CCR4: variants seen among roughly 807,000 people sequenced by gnomAD.
The protein encoded by CCR4 is C-C chemokine receptor type 4.
In CCR4, 9 loss-of-function variants were observed where a neutral mutation model predicts 17.1. The ratio of observed to expected loss-of-function variants is 0.53; its 90% confidence interval spans 0.32 to 0.92. The LOEUF (loss-of-function observed/expected upper bound fraction) is 0.92, where lower values mean the gene tolerates loss of function less well. Among genes scored for constraint, CCR4 ranks in the 40% least tolerant of loss-of-function variants. The pLI is 0.04. For synonymous variants in CCR4, 217 were observed against 174.3 expected, an observed-to-expected ratio of 1.24 and a Z score of -1.93; for missense variants, 385 against 433.9, an observed-to-expected ratio of 0.89 and a Z score of 1.00.
chr3:32,952,000 G>A (rs6550178), intron 1 of CCR4, among the ~76,000 whole-genome samples: 10,991 of 152,046 alleles, frequency 0.072, 663 homozygotes, highest in African/African-American at 0.16. Flanking sequence ...TACCACACAC[G>A]CAAGGCCTAC....
chr3:32,954,533 A>G lies in CCR4; in HGVS notation c.*28A>G. 2.7e-6 allele frequency: 4 copies of G among 1,506,886 alleles called. No individual in the cohort carries two copies. Among genetic ancestry groups the G allele is most frequent in the Non-Finnish European group, 3.5e-6 (4 of 1,131,262 alleles). 93.3% of individuals were successfully genotyped at this position (1,506,886 alleles called of 1,614,324 possible). A position where few individuals can be genotyped will look rare whatever the true frequency, so the allele number is the denominator to read the frequency against. On this transcript the variant is annotated 3_prime_UTR_variant, in exon 2 of 2. Transcript: ENST00000330953. ...AAATGAAATGGTGAAATGCAGAGTC[A>G]ATGAACTTTCCACATTCAGAGCTTA...
In CCR4 at chr3:32,954,329, A is replaced by G; in HGVS notation, c.907A>G (p.Ile303Val). ...AFVHCCLNPI[I>V]YFFLGEKFRK... ...TGTTCACTGCTGCCTTAATCCCATCATCTACTTTTTTCTGGGGGAGAAATT... is the reference window on the plus strand; with the variant it reads ...TGTTCACTGCTGCCTTAATCCCATCGTCTACTTTTTTCTGGGGGAGAAATT... Residue 303 changes from isoleucine (I) to valine (V), a missense_variant, in exon 2 of 2, where the codon ATC becomes GTC. Transcript: ENST00000330953. 6.2e-7 allele frequency: 1 copy of G among 1,613,982 alleles called. No individual in the cohort carries two copies. The highest frequency in any genetic ancestry group is 2.2e-5 in the East Asian group (1 of 44,868).
At position 32,955,265 on chromosome 3, in the gene CCR4, G is replaced by A. The variant is rs1217786332; in HGVS notation, c.*760G>A. 1.2e-5 allele frequency: 2 copies of A among 166,844 alleles called. No individual in the cohort carries two copies. The highest frequency in any genetic ancestry group is 2.9e-5 in the Non-Finnish European group (2 of 68,104). The allele number at this position is 166,844 out of a possible 1,614,324, so 10.3% of individuals were successfully genotyped here. On this transcript the variant is annotated 3_prime_UTR_variant, in exon 2 of 2. Coordinates refer to ENST00000330953, the MANE Select transcript of CCR4 (RefSeq NM_005508.5). The stretch of plus-strand genomic sequence containing the variant: ...AATATTAAAAAATTTTAAATAGGCT[G>A]GGCACGGTGGCCTGTAATCCCAGCA...
intron 1 of CCR4, 63 bp from the exon 2 acceptor site, chr3:32,953,309 T>A: frequency 8.0e-7 from 1 of 1,252,420 alleles, no homozygotes; most frequent in African/African-American, 1.5e-5. Context: ...ATGCTCTGCA[T>A]TTAGCAATAC....
chr3:32,953,304 C>G, intron 1 of CCR4, 68 bp from the exon 2 acceptor site: 1 of 1,198,426 alleles, frequency 8.3e-7, no homozygotes, highest in Non-Finnish European at 1.1e-6. Flanking sequence ...CAGCCATGCT[C>G]TGCATTTAGC....
At position 32,953,835 on chromosome 3, in the gene CCR4, C is replaced by G; in HGVS notation, c.413C>G (p.Ala138Gly). 6.2e-7 allele frequency: 1 copy of G among 1,614,034 alleles called. No individual in the cohort carries two copies. The highest frequency in any genetic ancestry group is 1.1e-5 in the South Asian group (1 of 91,084). ...CTCATGAGCATTGATAGATACCTGGCAATTGTGCACGCGGTGTTTTCCTTG... is the reference window on the plus strand; with the variant it reads ...CTCATGAGCATTGATAGATACCTGGGAATTGTGCACGCGGTGTTTTCCTTG... ...VMLMSIDRYLAIVHAVFSLRA... is the reference protein window; with the variant it reads ...VMLMSIDRYLGIVHAVFSLRA... Residue 138 changes from alanine to glycine, a missense_variant, in exon 2 of 2, where the codon GCA (alanine) becomes GGA (glycine). Transcript: ENST00000330953.
chr3:32,954,268 G>A lies in CCR4; in HGVS notation c.846G>A (p.Leu282=). The change falls in exon 2 of 2, where the codon TTG becomes TTA. Residue 282 remains leucine, a synonymous_variant. Transcript: ENST00000330953. ...AGGACTGCACCTTTGAAAGATACTT[G>A]GACTATGCCATCCAGGCCACAGAAA... ...VLQDCTFERY[L]DYAIQATETL... 6.2e-7 allele frequency: 1 copy of A among 1,614,000 alleles called. No homozygotes were observed.
chr3:32,953,891 A>G lies in CCR4; in HGVS notation c.469A>G (p.Thr157Ala). 6.2e-7 allele frequency: 1 copy of G among 1,614,030 alleles called. No individual in the cohort carries two copies. Among genetic ancestry groups the G allele is most frequent in the Non-Finnish European group, 8.5e-7 (1 of 1,180,020 alleles). Reference sequence around the variant, plus strand: ...AAGGACCTTGACTTATGGGGTCATCACCAGTTTGGCTACATGGTCAGTGGC... The same window carrying G: ...AAGGACCTTGACTTATGGGGTCATCGCCAGTTTGGCTACATGGTCAGTGGC... Reference protein sequence around the residue: ...RARTLTYGVITSLATWSVAVF... With the variant: ...RARTLTYGVIASLATWSVAVF... Residue 157 changes from threonine to alanine, a missense_variant, in exon 2 of 2, where the codon ACC (threonine) becomes GCC (alanine). Physicochemically the swap from Thr to Ala is moderately conservative, Grantham distance 58 (BLOSUM62 0). Coordinates refer to ENST00000330953, the MANE Select transcript of CCR4 (RefSeq NM_005508.5).
rs749008324 is a variant in CCR4 at position 32,953,669 on chromosome 3, A to G, written c.247A>G (p.Ile83Val). 4 of 1,613,596 alleles carry G rather than the reference A, an allele frequency of 2.5e-6. No individual in the cohort carries two copies. The highest frequency in any genetic ancestry group is 2.5e-6 in the Non-Finnish European group (3 of 1,179,948). The change falls in exon 2 of 2, where the codon ATC becomes GTC. Residue 83 changes from isoleucine (I) to valine (V), a missense_variant. Coordinates refer to ENST00000330953, the MANE Select transcript of CCR4 (RefSeq NM_005508.5). ...TGATGTGTACCTGCTCAACCTTGCCATCTCGGATCTGCTCTTCGTGTTTTC... is the reference window on the plus strand; with the variant it reads ...TGATGTGTACCTGCTCAACCTTGCCGTCTCGGATCTGCTCTTCGTGTTTTC... The part of the protein sequence containing the change: ...MTDVYLLNLA[I>V]SDLLFVFSLP...
At chr3:32,953,275 C>T (rs1207253664) in intron 1 of CCR4, 97 bp from the exon 2 acceptor site, 30 of 885,624 alleles carry the variant, frequency 3.4e-5, no homozygotes, top group Non-Finnish European at 4.8e-5. Context: ...CATATACAGA[C>T]CTGGAGCAAA....
chr3:32,953,695 C>T lies in CCR4; in HGVS notation c.273C>T (p.Ser91=), dbSNP rs1017917628. 3 of 1,613,954 alleles carry T rather than the reference C, an allele frequency of 1.9e-6. No homozygotes were observed. The highest frequency in any genetic ancestry group is 2.7e-5 in the African/African-American group (2 of 74,878). The change falls in exon 2 of 2, where the codon TCC becomes TCT. Residue 91 remains serine (S), a synonymous_variant. Transcript: ENST00000330953. Reference sequence around the variant, plus strand: ...TCTCGGATCTGCTCTTCGTGTTTTCCCTCCCTTTTTGGGGCTACTATGCAG... The same window carrying T: ...TCTCGGATCTGCTCTTCGTGTTTTCTCTCCCTTTTTGGGGCTACTATGCAG... ...LAISDLLFVF[S]LPFWGYYAAD... is the part of the protein sequence containing the mutation.
rs769444231 is a variant in CCR4, at chr3:32,954,130, G to A, written c.708G>A (p.Lys236=). 2 of 1,614,126 alleles carry A rather than the reference G, an allele frequency of 1.2e-6. No homozygotes were observed. The highest frequency in any genetic ancestry group is 1.7e-6 in the Non-Finnish European group (2 of 1,180,028). ...CCTTGCAGCATTGTAAAAATGAGAA[G>A]AAGAACAAGGCGGTGAAGATGATCT... ...IRTLQHCKNE[K]KNKAVKMIFA... is the part of the protein sequence containing the mutation. Residue 236 remains lysine (K), a synonymous_variant, in exon 2 of 2, where the codon AAG becomes AAA. Coordinates refer to ENST00000330953, the MANE Select transcript of CCR4 (RefSeq NM_005508.5).
In CCR4 at chr3:32,954,201, T is replaced by C. The variant is rs780362026; in HGVS notation, c.779T>C (p.Ile260Thr). ...LFLGFWTPYN[I>T]VLFLETLVEL... Reference sequence around the variant, plus strand: ...CTTGGGTTCTGGACACCTTACAACATAGTGCTCTTCCTAGAGACCCTGGTG... The same window carrying C: ...CTTGGGTTCTGGACACCTTACAACACAGTGCTCTTCCTAGAGACCCTGGTG... Residue 260 changes from isoleucine (I) to threonine (T), a missense_variant, in exon 2 of 2, where the codon ATA (isoleucine) becomes ACA (threonine). Transcript: ENST00000330953. 12 of 1,614,062 alleles carry C rather than the reference T, an allele frequency of 7.4e-6. No individual in the cohort carries two copies. The highest frequency in any genetic ancestry group is 1.6e-4 in the Middle Eastern group (1 of 6,062).
At position 32,953,952 on chromosome 3, in the gene CCR4, C is replaced by T. The variant is rs760496505; in HGVS notation, c.530C>T (p.Thr177Ile). The change falls in exon 2 of 2, where the codon ACT becomes ATT. Residue 177 changes from threonine (T) to isoleucine (I), a missense_variant. Transcript: ENST00000330953. ...TCCCTTCCTGGCTTTCTGTTCAGCA[C>T]TTGTTATACTGAGCGCAACCATACC... ...FASLPGFLFS[T>I]CYTERNHTYC... The T allele has an allele frequency of 3.1e-6, 5 of 1,614,092 alleles. No homozygotes were observed. The South Asian group carries it at 4.4e-5, about 14-fold the overall frequency.
chr3:32,954,192 C>T lies in CCR4; in HGVS notation c.770C>T (p.Pro257Leu). The change falls in exon 2 of 2, where the codon CCT becomes CTT. Residue 257 changes from proline to leucine, a missense_variant. Transcript: ENST00000330953. ...VVVLFLGFWT[P>L]YNIVLFLETL... The stretch of plus-strand genomic sequence containing the variant: ...GTCCTCTTCCTTGGGTTCTGGACAC[C>T]TTACAACATAGTGCTCTTCCTAGAG... The T allele has an allele frequency of 6.2e-7, 1 of 1,614,028 alleles. No individual in the cohort carries two copies. Among genetic ancestry groups the T allele is most frequent in the Non-Finnish European group, 8.5e-7 (1 of 1,179,986 alleles).
chr3:32,955,617 T>G lies in CCR4; in HGVS notation c.*1112T>G, dbSNP rs1695710836. 6.6e-6 allele frequency: 1 copy of G among 151,316 alleles called. No individual in the cohort carries two copies. Among genetic ancestry groups the G allele is most frequent in the Non-Finnish European group, 1.6e-5 (1 of 63,786 alleles). The allele number at this position is 151,316 out of a possible 1,614,324, so 9.4% of individuals were successfully genotyped here. On this transcript the variant is annotated 3_prime_UTR_variant, in exon 2 of 2. Coordinates refer to ENST00000330953, the MANE Select transcript of CCR4 (RefSeq NM_005508.5). ...GGTCATTTACTTGTTTTTTTTTTTT[T>G]TTTTTTTTTTGAGATGGAATCTTGC...
rs182791962 is a variant in CCR4, at chr3:32,955,312, G to C, written c.*807G>C. 6.0e-6 allele frequency: 1 copy of C among 166,606 alleles called. No homozygotes were observed. The highest frequency in any genetic ancestry group is 1.5e-5 in the Non-Finnish European group (1 of 68,104). 10.3% of individuals were successfully genotyped at this position (166,606 alleles called of 1,614,324 possible). ...AGCACTGTGGGAGGCCAAGGTGGGC[G>C]GATCACCTGAGGTCAGGAGTTCGAG... On this transcript the variant is annotated 3_prime_UTR_variant, in exon 2 of 2. Transcript: ENST00000330953.
Position 32,955,038 on chromosome 3 carries a change from CAATT to C in CCR4, c.*535_*538del, listed in dbSNP as rs1228255357. ...TTAGCGAAGTGATGAAACCAGATCT[CAATT>C]ATTTATTGTAAAGGATTATCTGTTA... is the stretch of plus-strand genomic sequence containing the variant. On this transcript the variant is annotated 3_prime_UTR_variant, in exon 2 of 2. Transcript: ENST00000330953. The C allele has an allele frequency of 1.4e-4, 24 of 167,262 alleles. No individual in the cohort carries two copies. 10.4% of individuals were successfully genotyped at this position (167,262 alleles called of 1,614,324 possible).
chr3:32,954,810 T>C lies in CCR4; in HGVS notation c.*305T>C. The C allele has an allele frequency of 3.5e-6, 1 of 286,712 alleles. No individual in the cohort carries two copies. The highest frequency in any genetic ancestry group is 6.9e-6 in the Non-Finnish European group (1 of 144,300). The allele number at this position is 286,712 out of a possible 1,614,324, so 17.8% of individuals were successfully genotyped here. A position where few individuals can be genotyped will look rare whatever the true frequency, so the allele number is the denominator to read the frequency against. On this transcript the variant is annotated 3_prime_UTR_variant, in exon 2 of 2. Transcript: ENST00000330953. ...GTAGGTAATATTGCAAGGCAAAGACTATTCCCTTCTAACCTGAACTGATGG... is the reference window on the plus strand; with the variant it reads ...GTAGGTAATATTGCAAGGCAAAGACCATTCCCTTCTAACCTGAACTGATGG...
Sources: gnomAD v4.1 joint callset for allele counts (sites outside exome capture counted in the v4.1 genomes callset) on GRCh38, gnomAD v4.1.1 for gene constraint, MANE v1.5 for transcripts, NCBI Gene and HGNC (gene_info 2026-07-23, HGNC 2026-07-21) for gene names.